The following SERGEF variants were observed in gnomAD, a reference collection of about 807,000 sequenced individuals.
SERGEF encodes secretion regulating guanine nucleotide exchange factor, also known as secretion-regulating guanine nucleotide exchange factor.
A neutral mutation model predicts 50.0 loss-of-function variants in SERGEF; 51 were observed. The ratio of observed to expected loss-of-function variants is 1.02; its 90% confidence interval spans 0.81 to 1.29. SERGEF has a LOEUF of 1.29. Ranked by LOEUF, SERGEF falls within the 50% of genes most tolerant of loss-of-function variation. The pLI, the probability that SERGEF is intolerant of heterozygous loss-of-function variation, is 0.00. For synonymous variants in SERGEF, 205 were observed against 212.4 expected (o/e 0.97, Z 0.30); for missense variants, 521 against 557.0 (o/e 0.94, Z 0.65).
In SERGEF at chr11:17,965,932, C is replaced by G. The variant is rs551429785; in HGVS notation, c.845-6296G>C. 3.4e-4 allele frequency among the ~76,000 whole-genome samples: 52 copies of G among 152,316 alleles called. No homozygotes were observed. The South Asian group carries it at 3.5e-3, about 10-fold the overall frequency. ...CAGCATTGCTGCAAGGATACTTTTCCATAAAGCCTATGGCACATACTAACT... is the reference window on the plus strand; with the variant it reads ...CAGCATTGCTGCAAGGATACTTTTCGATAAAGCCTATGGCACATACTAACT... On this transcript the variant is annotated intron_variant, in intron 8 of 10. Transcript: ENST00000265965.
intron 10 of SERGEF, among the ~76,000 whole-genome samples, chr11:17,864,055 T>C (rs1243715118): frequency 6.6e-6 from 1 of 152,250 alleles, no homozygotes; most frequent in Non-Finnish European, 1.5e-5. Flanking sequence ...ACCATAACTC[T>C]AGTTATGGTG....
In SERGEF at chr11:17,902,498, A is replaced by G. The variant is rs868605185; in HGVS notation, c.1012-24254T>C. 3.9e-5 allele frequency among the ~76,000 whole-genome samples: 6 copies of G among 152,190 alleles called. No individual in the cohort carries two copies. In the East Asian group the frequency reaches 1.2e-3, roughly 29 times the overall value. ...GAGTGCAGATGAACTAACTGACTGG[A>G]GCACTCTCATCAAGCTGAATCACAG... On this transcript the variant is annotated intron_variant, in intron 9 of 10. Transcript: ENST00000265965.
intron 9 of SERGEF, among the ~76,000 whole-genome samples, chr11:17,883,011 C>A (rs1369333712): frequency 6.6e-6 from 1 of 152,194 alleles, no homozygotes; most frequent in Non-Finnish European, 1.5e-5. Flanking sequence ...GGGTGAGAAG[C>A]AAAGGTGGCT....
At chr11:17,989,640 A>G (rs1180022116) in intron 7 of SERGEF, among the ~76,000 whole-genome samples, 2 of 152,236 alleles carry the variant, frequency 1.3e-5, no homozygotes, top group Non-Finnish European at 2.9e-5. Context: ...TGGCTTGTCA[A>G]TTTGTGACTC....
At chr11:17,901,078 G>A (rs548914879) in intron 9 of SERGEF, among the ~76,000 whole-genome samples, 10 of 149,082 alleles carry the variant, frequency 6.7e-5, no homozygotes, top group African/African-American at 2.5e-4. Flanking sequence ...TCCTATTTCT[G>A]TTAGGTGCTG....
intron 10 of SERGEF, among the ~76,000 whole-genome samples, chr11:17,801,146 G>C (rs1849661868): frequency 6.8e-6 from 1 of 147,666 alleles, no homozygotes; most frequent in Non-Finnish European, 1.5e-5. Flanking sequence ...AGTGAGCCGA[G>C]ATAGCGCCAC....
At chr11:17,972,057 C>T (rs1225335793) in intron 8 of SERGEF, among the ~76,000 whole-genome samples, 4 of 152,212 alleles carry the variant, frequency 2.6e-5, no homozygotes, top group African/African-American at 9.6e-5. Context: ...TTGCTGCAAT[C>T]TCATGATCAA....
intron 10 of SERGEF, among the ~76,000 whole-genome samples, chr11:17,808,560 C>T (rs1324618302): frequency 6.6e-6 from 1 of 152,218 alleles, no homozygotes; most frequent in Non-Finnish European, 1.5e-5. Context: ...CAGGCCCCAC[C>T]TCCAACATTG....
chr11:17,858,192 C>T (rs917853012), intron 10 of SERGEF, among the ~76,000 whole-genome samples: 1 of 152,172 alleles, frequency 6.6e-6, no homozygotes, highest in Non-Finnish European at 1.5e-5. Context: ...GTTAGATGCC[C>T]AGATTCTCCC....
chr11:17,936,778 G>T (rs931350710), intron 9 of SERGEF, among the ~76,000 whole-genome samples: 9 of 152,190 alleles, frequency 5.9e-5, no homozygotes, highest in Non-Finnish European at 2.9e-5. Context: ...TTCAAATGAA[G>T]TACTTCAGAC....
intron 10 of SERGEF, among the ~76,000 whole-genome samples, chr11:17,820,207 C>A (rs1850052910): frequency 6.6e-6 from 1 of 151,980 alleles, no homozygotes; most frequent in Non-Finnish European, 1.5e-5. Context: ...TCCTGAACTC[C>A]AAGCCCCTTC....
intron 9 of SERGEF, among the ~76,000 whole-genome samples, chr11:17,879,829 C>T (rs775068924): frequency 8.5e-5 from 13 of 152,176 alleles, no homozygotes; most frequent in African/African-American, 1.4e-4. Flanking sequence ...ATATTGTATA[C>T]AGTAAACATA....
At chr11:17,893,898 A>C (rs1463432808) in intron 9 of SERGEF, among the ~76,000 whole-genome samples, 1 of 152,206 alleles carries the variant, frequency 6.6e-6, no homozygotes, top group African/African-American at 2.4e-5. Context: ...AGCCTCCATG[A>C]CACTGAGGGT....
At chr11:17,960,051 C>A (rs1234972481) in intron 8 of SERGEF, among the ~76,000 whole-genome samples, 1 of 152,202 alleles carries the variant, frequency 6.6e-6, no homozygotes. Flanking sequence ...ACCCAGGGCC[C>A]CATTTAGCCA....
intron 9 of SERGEF, among the ~76,000 whole-genome samples, chr11:17,915,014 T>G (rs1434525294): frequency 6.6e-6 from 1 of 152,254 alleles, no homozygotes; most frequent in Non-Finnish European, 1.5e-5. Context: ...CTTTCCTTAT[T>G]GCAATCTTAC....
chr11:17,992,897 T>G (rs1853748193), intron 7 of SERGEF, 34 bp downstream of exon 7: 1 of 1,577,416 alleles, frequency 6.3e-7, no homozygotes, highest in Non-Finnish European at 8.7e-7. Flanking sequence ...GAATCCTGAA[T>G]GGCATGTTAA....
At chr11:17,931,198 C>T (rs1220358829) in intron 9 of SERGEF, among the ~76,000 whole-genome samples, 1 of 152,026 alleles carries the variant, frequency 6.6e-6, no homozygotes, top group Non-Finnish European at 1.5e-5. Context: ...ATATAACTGC[C>T]AAATGAAATT....
intron 9 of SERGEF, among the ~76,000 whole-genome samples, chr11:17,910,111 T>C (rs1851920508): frequency 8.3e-6 from 1 of 120,752 alleles, no homozygotes. Flanking sequence ...AGGCCTACAG[T>C]TCCCCTAAGA....
chr11:17,902,308 T>C (rs1174630182), intron 9 of SERGEF, among the ~76,000 whole-genome samples: 1 of 152,144 alleles, frequency 6.6e-6, no homozygotes, highest in Non-Finnish European at 1.5e-5. Flanking sequence ...TCACTCTGCA[T>C]GATGTATGAA....
Sources: gnomAD v4.1 joint callset for allele counts (sites outside exome capture counted in the v4.1 genomes callset) on GRCh38, gnomAD v4.1.1 for gene constraint, MANE v1.5 for transcripts, NCBI Gene and HGNC (gene_info 2026-07-23, HGNC 2026-07-21) for gene names.